Variants in GSE1 observed in about 807,000 individuals in gnomAD.
The protein encoded by GSE1 is genetic suppressor element 1.
In GSE1, 32 loss-of-function variants were observed where a neutral mutation model predicts 112.6. That is an observed-to-expected ratio of 0.28 (90% CI 0.21 to 0.38). GSE1 has a LOEUF of 0.38. GSE1 is among the 10% of genes least tolerant of loss of function. The pLI is 1.00. For synonymous variants in GSE1, 1,115 were observed against 735.6 expected (o/e 1.52, Z -8.35); for missense variants, 2,348 against 1,699.2 (o/e 1.38, Z -6.71).
chr16:85,390,958 G>A (rs550716167), intron 2 of GSE1, among the ~76,000 whole-genome samples: 1 of 152,238 alleles, frequency 6.6e-6, no homozygotes, highest in African/African-American at 2.4e-5. Flanking sequence ...GCGGGGAACT[G>A]ATAGCGGTCC....
chr16:85,358,482 C>T (rs779984559), intron 2 of GSE1, among the ~76,000 whole-genome samples: 4 of 152,210 alleles, frequency 2.6e-5, no homozygotes, highest in Non-Finnish European at 2.9e-5. Flanking sequence ...CAGCCCAGCC[C>T]GCCCCTGGTG....
At chr16:85,304,074 C>A (rs1197479633) in intron 1 of GSE1, among the ~76,000 whole-genome samples, 1 of 152,234 alleles carries the variant, frequency 6.6e-6, no homozygotes, top group Non-Finnish European at 1.5e-5. Flanking sequence ...AGCCCCTTGG[C>A]CTCCTGAGGT....
At chr16:85,448,723 C>G (rs1244543777) in intron 2 of GSE1, among the ~76,000 whole-genome samples, 1 of 152,234 alleles carries the variant, frequency 6.6e-6, no homozygotes, top group Non-Finnish European at 1.5e-5. Context: ...GGCAGCCCGC[C>G]CCACGCCGCC....
intron 1 of GSE1, among the ~76,000 whole-genome samples, chr16:85,172,488 G>A (rs139612463): frequency 3.9e-5 from 6 of 152,218 alleles, no homozygotes; most frequent in African/African-American, 1.4e-4. Flanking sequence ...TGTTTATAAG[G>A]CGCCTGCCTT....
At chr16:85,619,577 TG>T (rs2048600347) in intron 1 of GSE1, among the ~76,000 whole-genome samples, 3 of 152,170 alleles carry the variant, frequency 2.0e-5, no homozygotes, top group South Asian at 4.1e-4. Flanking sequence ...GTGTGATCTG[TG>T]GGCAGATGGT....
intron 2 of GSE1, among the ~76,000 whole-genome samples, chr16:85,643,346 G>A (rs1042899624): frequency 2.0e-5 from 3 of 152,200 alleles, no homozygotes; most frequent in Non-Finnish European, 4.4e-5. Flanking sequence ...TCGCTAATGG[G>A]CCTGGCGTTG....
intron 1 of GSE1, among the ~76,000 whole-genome samples, chr16:85,234,774 A>G (rs866043951): frequency 6.6e-5 from 10 of 152,132 alleles, no homozygotes; most frequent in African/African-American, 2.4e-4. Context: ...AGCAGGGAGG[A>G]GCCGGCAGCC....
rs550359955 is a variant in GSE1, at chr16:85,354,532, G to A, written c.2284-2931G>A. Among the ~76,000 whole-genome samples, 42 of 152,270 alleles carry A rather than the reference G, an allele frequency of 2.8e-4. 1 individual carries two copies. The East Asian group carries it at 7.7e-3, about 28-fold the overall frequency. Reference sequence around the variant, plus strand: ...TCCTTATACTCACAGTCCCGCTTCCGGGAGCCATCTCCACCCCAGGAGGGG... The same window carrying A: ...TCCTTATACTCACAGTCCCGCTTCCAGGAGCCATCTCCACCCCAGGAGGGG... On this transcript the variant is annotated intron_variant, in intron 1 of 2. Transcript: ENST00000637419.
At chr16:85,535,597 G>A (rs971003510) in intron 2 of GSE1, among the ~76,000 whole-genome samples, 1 of 152,224 alleles carries the variant, frequency 6.6e-6, no homozygotes, top group Non-Finnish European at 1.5e-5. Context: ...ACAGTTGGCT[G>A]ATAAGAGGAA....
chr16:85,620,208 C>T (rs1167106172), intron 1 of GSE1, among the ~76,000 whole-genome samples: 1 of 152,168 alleles, frequency 6.6e-6, no homozygotes, highest in Admixed American at 6.5e-5. Context: ...ATCACTTGAG[C>T]CCCGGAGCTC....
intron 1 of GSE1, among the ~76,000 whole-genome samples, chr16:85,239,473 A>T (rs539645223): frequency 7.2e-5 from 11 of 152,332 alleles, no homozygotes; most frequent in African/African-American, 2.6e-4. Flanking sequence ...GAGAAGGGAC[A>T]CTGACCTGTC....
intron 1 of GSE1, among the ~76,000 whole-genome samples, chr16:85,256,426 A>G (rs2144068465): frequency 6.6e-6 from 1 of 152,354 alleles, no homozygotes; most frequent in Non-Finnish European, 1.5e-5. Context: ...ATTCAGCCTT[A>G]GAGTAGCCTT....
intron 2 of GSE1, among the ~76,000 whole-genome samples, chr16:85,541,646 G>A (rs1408031215): frequency 6.6e-6 from 1 of 152,248 alleles, no homozygotes; most frequent in Admixed American, 6.5e-5. Context: ...CTGAGGTCCT[G>A]TTTCTGAGTT....
chr16:85,299,972 TTTAA>T (rs2045475241), intron 1 of GSE1, among the ~76,000 whole-genome samples: 2 of 150,904 alleles, frequency 1.3e-5, no homozygotes, highest in Non-Finnish European at 3.0e-5. Flanking sequence ...AAAAAAGCTT[TTTAA>T]TTGTGTGGAA....
At chr16:85,338,458 C>T (rs1252369805) in intron 1 of GSE1, among the ~76,000 whole-genome samples, 1 of 152,210 alleles carries the variant, frequency 6.6e-6, no homozygotes, top group Non-Finnish European at 1.5e-5. Context: ...CTCCCTGCCT[C>T]AGTCTCCCCC....
intron 1 of GSE1, among the ~76,000 whole-genome samples, chr16:85,191,085 C>T (rs969389231): frequency 6.6e-6 from 1 of 152,148 alleles, no homozygotes; most frequent in East Asian, 1.9e-4. Flanking sequence ...ATGGTGAAAC[C>T]CTGTCTCTAC....
At chr16:85,387,366 C>G (rs1359410849) in intron 2 of GSE1, among the ~76,000 whole-genome samples, 2 of 152,208 alleles carry the variant, frequency 1.3e-5, no homozygotes, top group Non-Finnish European at 2.9e-5. Flanking sequence ...TCCTAGCCCC[C>G]CTCCTCAACC....
rs1488942296 is a variant in GSE1, at chr16:85,246,504, C to G, written c.2283+74697C>G. On this transcript the variant is annotated intron_variant, in intron 1 of 2. Transcript: ENST00000637419. Reference sequence around the variant, plus strand: ...ACACACACACACACTCTACACACCCCCCCCCCCCCGACGCTGTCTGCAGGA... The same window carrying G: ...ACACACACACACACTCTACACACCCGCCCCCCCCCGACGCTGTCTGCAGGA... 3.2e-5 allele frequency among the ~76,000 whole-genome samples: 3 copies of G among 92,620 alleles called. 1 individual carries two copies. The highest frequency in any genetic ancestry group is 5.6e-5 in the Non-Finnish European group (2 of 35,536). 60.8% of individuals were successfully genotyped at this position (92,620 alleles called of 152,430 possible). A position where few individuals can be genotyped will look rare whatever the true frequency, so the allele number is the denominator to read the frequency against.
At chr16:85,528,241 T>C (rs941175795) in intron 2 of GSE1, among the ~76,000 whole-genome samples, 1 of 152,228 alleles carries the variant, frequency 6.6e-6, no homozygotes, top group African/African-American at 2.4e-5. Context: ...AGGTTGGATG[T>C]TGAAAAGCGA....
Sources: gnomAD v4.1 joint callset for allele counts (sites outside exome capture counted in the v4.1 genomes callset) on GRCh38, gnomAD v4.1.1 for gene constraint, MANE v1.5 for transcripts, NCBI Gene and HGNC (gene_info 2026-07-23, HGNC 2026-07-21) for gene names.